The following ARID4B variants were observed in gnomAD, a reference collection of about 807,000 sequenced individuals.
The protein encoded by ARID4B is AT-rich interactive domain-containing protein 4B.
A neutral mutation model predicts 147.5 loss-of-function variants in ARID4B; 26 were observed. That is an observed-to-expected ratio of 0.18 (90% CI 0.13 to 0.24). ARID4B has a LOEUF of 0.24. Among genes scored for constraint, ARID4B ranks in the 10% least tolerant of loss-of-function variants. The pLI, the probability that ARID4B is intolerant of heterozygous loss-of-function variation, is 1.00. For synonymous variants in ARID4B, 512 were observed against 507.9 expected, an observed-to-expected ratio of 1.01 and a Z score of -0.11; for missense variants, 1,179 against 1,511.5, an observed-to-expected ratio of 0.78 and a Z score of 3.65.
intron 2 of ARID4B, among the ~76,000 whole-genome samples, chr1:235,276,301 A>G (rs1671311749): frequency 6.6e-6 from 1 of 152,146 alleles, no homozygotes; most frequent in Non-Finnish European, 1.5e-5. Flanking sequence ...GCATTAGCAA[A>G]CATTAGTAAG....
chr1:235,287,265 A>C (rs959957473), intron 2 of ARID4B, among the ~76,000 whole-genome samples: 1 of 138,838 alleles, frequency 7.2e-6, no homozygotes, highest in Non-Finnish European at 1.6e-5. Context: ...TCTCAGAAAA[A>C]ATAAATTTTT....
intron 2 of ARID4B, among the ~76,000 whole-genome samples, chr1:235,291,301 G>A (rs943619982): frequency 5.9e-5 from 9 of 152,074 alleles, no homozygotes; most frequent in African/African-American, 9.6e-5. Context: ...CAGCTACCTC[G>A]GAAGGATGAG....
At chr1:235,291,135 G>C (rs764500872) in intron 2 of ARID4B, among the ~76,000 whole-genome samples, 1 of 151,704 alleles carries the variant, frequency 6.6e-6, no homozygotes, top group Non-Finnish European at 1.5e-5. Flanking sequence ...GGTGGCTCAC[G>C]CCTATAATTC....
intron 17 of ARID4B, among the ~76,000 whole-genome samples, chr1:235,196,955 AC>A (rs1193022095): frequency 6.6e-6 from 1 of 151,644 alleles, no homozygotes; most frequent in Non-Finnish European, 1.5e-5. Context: ...CTCATAAAAT[AC>A]CAGAAAAACA....
At chr1:235,282,289 T>C (rs767956082) in intron 2 of ARID4B, among the ~76,000 whole-genome samples, 4 of 152,208 alleles carry the variant, frequency 2.6e-5, no homozygotes, top group Non-Finnish European at 5.9e-5. Context: ...CAAGATCTAC[T>C]TGAGAAATGC....
At chr1:235,234,100 A>G (rs929976790) in intron 9 of ARID4B, among the ~76,000 whole-genome samples, 4 of 152,176 alleles carry the variant, frequency 2.6e-5, no homozygotes, top group Non-Finnish European at 5.9e-5. Flanking sequence ...AAAAATCAAT[A>G]AAGTATTAAA....
intron 2 of ARID4B, chr1:235,296,303 A>C (rs1210245762): frequency 6.5e-6 from 1 of 152,822 alleles, no homozygotes; most frequent in East Asian, 1.9e-4. Flanking sequence ...GTTCCTGACT[A>C]TGATGACGTT....
At chr1:235,255,630 A>G (rs907766986) in intron 5 of ARID4B, 30 bp downstream of exon 5, 15 of 1,441,248 alleles carry the variant, frequency 1.0e-5, no homozygotes, top group African/African-American at 7.2e-5. Flanking sequence ...AACTAAAAAC[A>G]CATTTTTAAA....
intron 17 of ARID4B, among the ~76,000 whole-genome samples, chr1:235,203,829 T>C (rs887954567): frequency 1.3e-5 from 2 of 152,138 alleles, no homozygotes; most frequent in African/African-American, 4.8e-5. Flanking sequence ...TAAAAAGCAG[T>C]GTTAATCATT....
intron 20 of ARID4B, among the ~76,000 whole-genome samples, chr1:235,179,558 A>T (rs2102917118): frequency 6.9e-6 from 1 of 144,602 alleles, no homozygotes; most frequent in Non-Finnish European, 1.5e-5. Flanking sequence ...AAAAAACCCA[A>T]CAAAAAGAAA....
At position 235,181,983 on chromosome 1, in the gene ARID4B, G is replaced by A. The variant is rs1664344449; in HGVS notation, c.2936C>T (p.Ser979Leu). 1 of 1,614,008 alleles carries A rather than the reference G, an allele frequency of 6.2e-7. No homozygotes were observed. The highest frequency in any genetic ancestry group is 8.5e-7 in the Non-Finnish European group (1 of 1,180,032). The change falls in exon 20 of 24, where the codon TCA becomes TTA. Residue 979 changes from serine (S) to leucine (L), a missense_variant. By Grantham distance (145) the Ser-to-Leu change is moderately radical. This residue lies in a region of ARID4B where 357 missense variants were observed against 427.3 expected (regional missense o/e 0.84). Coordinates refer to ENST00000264183, the MANE Select transcript of ARID4B (RefSeq NM_016374.6). ...TGGTTTTTCTAGTTCTACACTGGGT[G>A]AACAACTCTCCTCTTCAGCCACAGT... ...LQTVAEEESC[S>L]PSVELEKPPP...
At chr1:235,186,767 C>T (rs1664713955) in intron 19 of ARID4B, among the ~76,000 whole-genome samples, 1 of 151,320 alleles carries the variant, frequency 6.6e-6, no homozygotes, top group Non-Finnish European at 1.5e-5. Flanking sequence ...TCTCTGTTGC[C>T]CAGACTGGAG....
Position 235,255,273 on chromosome 1 carries a change from C to T in ARID4B, c.274+387G>A, listed in dbSNP as rs376954960. On this transcript the variant is annotated intron_variant, in intron 5 of 23. Coordinates refer to ENST00000264183, the MANE Select transcript of ARID4B (RefSeq NM_016374.6). ...TAGATAGATAGATAGATATATATCT[C>T]TCTCTCTCTCTCTCTATATATATAT... 2.2e-4 allele frequency among the ~76,000 whole-genome samples: 28 copies of T among 127,756 alleles called. 1 individual carries two copies. The highest frequency in any genetic ancestry group is 1.1e-3 in the Admixed American group (14 of 12,460). 83.8% of individuals were successfully genotyped at this position (127,756 alleles called of 152,430 possible).
At chr1:235,182,975 G>A (rs909143221) in intron 19 of ARID4B, among the ~76,000 whole-genome samples, 182 bp from the exon 20 acceptor site, 2 of 151,942 alleles carry the variant, frequency 1.3e-5, no homozygotes, top group African/African-American at 4.8e-5. Context: ...TTCCAATGAT[G>A]GAAATGTTCT....
intron 7 of ARID4B, among the ~76,000 whole-genome samples, chr1:235,243,267 T>A (rs1669108528): frequency 6.6e-6 from 1 of 152,180 alleles, no homozygotes; most frequent in Admixed American, 6.5e-5. Context: ...CTATTACACA[T>A]GAAGCTCCTT....
intron 23 of ARID4B, among the ~76,000 whole-genome samples, chr1:235,169,342 G>A (rs1179896662): frequency 6.6e-6 from 1 of 151,580 alleles, no homozygotes; most frequent in African/African-American, 2.4e-5. Flanking sequence ...CTGAGTTCAC[G>A]CCATTCTCCT....
chr1:235,251,013 G>A (rs1178647154), intron 6 of ARID4B, among the ~76,000 whole-genome samples: 2 of 152,012 alleles, frequency 1.3e-5, no homozygotes, highest in East Asian at 1.9e-4. Flanking sequence ...ATAATTCCAC[G>A]AACTCAGGGA....
chr1:235,244,265 C>CA (rs1210548640), intron 7 of ARID4B, among the ~76,000 whole-genome samples: 2 of 152,102 alleles, frequency 1.3e-5, no homozygotes. Context: ...AATATAACAG[C>CA]AAATAGACTG....
intron 19 of ARID4B, among the ~76,000 whole-genome samples, chr1:235,192,387 A>G (rs1034388705): frequency 3.3e-5 from 5 of 152,254 alleles, no homozygotes; most frequent in African/African-American, 1.2e-4. Context: ...GTGGAGACAT[A>G]CTAGTATCCA....
Sources: allele counts gnomAD v4.1 joint callset (sites outside exome capture counted in the v4.1 genomes callset), GRCh38; gene constraint gnomAD v4.1.1; regional missense constraint gnomAD v4.1.1; transcripts MANE v1.5; gene names NCBI Gene and HGNC (gene_info 2026-07-23, HGNC 2026-07-21).